COL9A2: variants seen among roughly 807,000 people sequenced by gnomAD.
COL9A2 encodes collagen type IX alpha 2 chain.
In COL9A2, 66 loss-of-function variants were observed where a neutral mutation model predicts 111.6. That is an observed-to-expected ratio of 0.59 (90% confidence interval 0.48 to 0.73). The LOEUF (loss-of-function observed/expected upper bound fraction) is 0.73. Among genes scored for constraint, COL9A2 ranks in the 30% least tolerant of loss-of-function variants. The pLI is 0.00. For synonymous variants in COL9A2, 353 were observed against 364.1 expected (o/e 0.97, Z 0.35); for missense variants, 881 against 954.1 (o/e 0.92, Z 1.01).
chr1:40,312,336 T>C lies in COL9A2; in HGVS notation c.363+120A>G. On this transcript the variant is annotated intron_variant, in intron 7 of 31. Transcript: ENST00000372748. This position sits in a 1 kb window ranked among gnomAD's most constrained non-coding sequence, Gnocchi z 6.0. ...CCTGGGTCTCTGGCAGGTCCACTTA[T>C]TCCTGACACTATCACAGCAAGCTGG... is the stretch of plus-strand genomic sequence containing the variant. 4 of 1,406,940 alleles carry C rather than the reference T, an allele frequency of 2.8e-6. No individual in the cohort carries two copies. The highest frequency in any genetic ancestry group is 3.9e-6 in the Non-Finnish European group (4 of 1,015,164). The allele number at this position is 1,406,940 out of a possible 1,614,324, so 87.2% of individuals were successfully genotyped here. A position where few individuals can be genotyped will look rare whatever the true frequency, so the allele number is the denominator to read the frequency against.
intron 31 of COL9A2, 61 bp downstream of exon 31, chr1:40,301,751 C>CA (rs1643917725): frequency 6.6e-7 from 1 of 1,516,264 alleles, no homozygotes; most frequent in African/African-American, 1.4e-5. Flanking sequence ...CCGCAGTGTC[C>CA]ACACGTCATT....
chr1:40,304,458 T>A lies in COL9A2; in HGVS notation c.1215+18A>T. On this transcript the variant is annotated intron_variant, in intron 23 of 31. Transcript: ENST00000372748. ...CCTGGATATGACGCCCTGCCCACCT[T>A]AGCTGGCCTGCACTCACCTGCCTTC... 1.9e-6 allele frequency: 3 copies of A among 1,614,064 alleles called. No individual in the cohort carries two copies. Among genetic ancestry groups the A allele is most frequent in the Non-Finnish European group, 2.5e-6 (3 of 1,179,964 alleles).
chr1:40,309,964 C>T lies in COL9A2; in HGVS notation c.820G>A (p.Gly274Ser), dbSNP rs1443766012. ...TCGTCACCCTTCTCCCCAGCTCGGC[C>T]TGGCGGTCCCCTAGGACCTTCCTCA... is the stretch of plus-strand genomic sequence containing the variant. The part of the protein sequence containing the change: ...PGEEGPRGPP[G>S]RAGEKGDEGS... The change falls in exon 16 of 32, where the codon GGC (glycine) becomes AGC (serine). Residue 274 changes from glycine to serine, a missense_variant. Transcript: ENST00000372748. 8 of 1,613,976 alleles carry T rather than the reference C, an allele frequency of 5.0e-6. No homozygotes were observed. The highest frequency in any genetic ancestry group is 1.3e-5 in the African/African-American group (1 of 74,910).
Position 40,307,382 on chromosome 1 carries a change from G to A in COL9A2, c.1008+64C>T. 1 of 1,497,114 alleles carries A rather than the reference G, an allele frequency of 6.7e-7. No individual in the cohort carries two copies. Among genetic ancestry groups the A allele is most frequent in the Non-Finnish European group, 9.2e-7 (1 of 1,082,822 alleles). 92.7% of individuals were successfully genotyped at this position (1,497,114 alleles called of 1,614,324 possible). A position where few individuals can be genotyped will look rare whatever the true frequency, so the allele number is the denominator to read the frequency against. ...GATTGAGCAAGAGCCCCGGGTGTGT[G>A]TGGATTCTAACCTCATCAGCCACTA... On this transcript the variant is annotated intron_variant, in intron 19 of 31. Transcript: ENST00000372748. The surrounding 1 kb of genome is among the most constrained non-coding windows in gnomAD (Gnocchi z 4.8).
Position 40,312,953 on chromosome 1 carries a change from G to A in COL9A2, c.250-169C>T, listed in dbSNP as rs1213087376. On this transcript the variant is annotated intron_variant, in intron 4 of 31. Transcript: ENST00000372748. The surrounding 1 kb of genome is among the most constrained non-coding windows in gnomAD (Gnocchi z 6.0). ...TCTTTCCTTTTCCCCAGTTCCCATA[G>A]TAACCCTAGGAGGCAGGCAGAACAA... is the stretch of plus-strand genomic sequence containing the variant. Among the ~76,000 whole-genome samples the A allele has an allele frequency of 6.6e-6, 1 of 152,026 alleles. No individual in the cohort carries two copies. The highest frequency in any genetic ancestry group is 6.6e-5 in the Admixed American group (1 of 15,258).
At chr1:40,304,981 A>G in intron 21 of COL9A2, 134 bp from the exon 22 acceptor site, 2 of 665,302 alleles carry the variant, frequency 3.0e-6, no homozygotes, top group Admixed American at 2.7e-5. Context: ...CACCTGTTCC[A>G]TGGTTTTGGG....
rs1569704882 is a variant in COL9A2, at chr1:40,303,438, G to A, written c.1548+92C>T. 4 of 1,544,768 alleles carry A rather than the reference G, an allele frequency of 2.6e-6. No homozygotes were observed. The highest frequency in any genetic ancestry group is 3.5e-6 in the Non-Finnish European group (4 of 1,133,566). On this transcript the variant is annotated intron_variant, in intron 28 of 31. Coordinates refer to ENST00000372748, the MANE Select transcript of COL9A2 (RefSeq NM_001852.4). This position sits in a 1 kb window ranked among gnomAD's most constrained non-coding sequence, Gnocchi z 4.6. The stretch of plus-strand genomic sequence containing the variant: ...GAACCAGTCTCGGGGAAGTCGGTGA[G>A]TCTCTGGGAATCCCTAGCCTTTGGC...
At position 40,303,273 on chromosome 1, in the gene COL9A2, G is replaced by C. The variant is rs1643944900; in HGVS notation, c.1549-88C>G. On this transcript the variant is annotated intron_variant, in intron 28 of 31. Transcript: ENST00000372748. The surrounding 1 kb of genome is among the most constrained non-coding windows in gnomAD (Gnocchi z 4.6). ...CCTGGCTGAGCGTGAGGCCGCCATG[G>C]AGGAGACTCTGGTGTTGAGTCATTA... 7.4e-7 allele frequency: 1 copy of C among 1,352,178 alleles called. No individual in the cohort carries two copies. The highest frequency in any genetic ancestry group is 1.0e-6 in the Non-Finnish European group (1 of 963,946). 83.8% of individuals were successfully genotyped at this position (1,352,178 alleles called of 1,614,324 possible). A position where few individuals can be genotyped will look rare whatever the true frequency, so the allele number is the denominator to read the frequency against.
Position 40,310,765 on chromosome 1 carries a change from A to G in COL9A2, c.633T>C (p.Gly211=). The G allele has an allele frequency of 6.4e-7, 1 of 1,561,482 alleles. No individual in the cohort carries two copies. Among genetic ancestry groups the G allele is most frequent in the Non-Finnish European group, 8.7e-7 (1 of 1,152,200 alleles). Reference sequence around the variant, plus strand: ...CAGAGGCACCCACATCTCCCTTGGGACCCTAAAGGGCAGGGATGAGCTGTC... The same window carrying G: ...CAGAGGCACCCACATCTCCCTTGGGGCCCTAAAGGGCAGGGATGAGCTGTC... ...LGDPGHQGKP[G]PKGDVGASGE... The change falls in exon 13 of 32, where the codon GGT becomes GGC. Residue 211 remains glycine (G), a splice_region_variant and synonymous_variant. Transcript: ENST00000372748. The surrounding 1 kb of genome is among the most constrained non-coding windows in gnomAD (Gnocchi z 4.9).
At position 40,303,121 on chromosome 1, in the gene COL9A2, T is replaced by A; in HGVS notation, c.1603+10A>T. 6.2e-7 allele frequency: 1 copy of A among 1,611,804 alleles called. No individual in the cohort carries two copies. The highest frequency in any genetic ancestry group is 8.5e-7 in the Non-Finnish European group (1 of 1,179,106). On this transcript the variant is annotated intron_variant, in intron 29 of 31. Transcript: ENST00000372748. This position sits in a 1 kb window ranked among gnomAD's most constrained non-coding sequence, Gnocchi z 4.6. The stretch of plus-strand genomic sequence containing the variant: ...CGAACTGACTGTGAGGAGGGGTTGC[T>A]GCCCCTCACCTTGCAGCATCTTCAG...
At chr1:40,315,089 C>A (rs1644194884) in intron 2 of COL9A2, 1 of 400,618 alleles carries the variant, frequency 2.5e-6, no homozygotes. Flanking sequence ...AAGCGGCCCT[C>A]CTGCGGGAGC....
chr1:40,314,520 G>T lies in COL9A2; in HGVS notation c.151-133C>A. ...CTTCTGTCCAGGTCCCCTAAGCCTTGCAATCTTTGGGAAAAGAGCCCCCTT... is the reference window on the plus strand; with the variant it reads ...CTTCTGTCCAGGTCCCCTAAGCCTTTCAATCTTTGGGAAAAGAGCCCCCTT... On this transcript the variant is annotated intron_variant, in intron 2 of 31. Transcript: ENST00000372748. The surrounding 1 kb of genome is among the most constrained non-coding windows in gnomAD (Gnocchi z 4.1). 2 of 1,090,614 alleles carry T rather than the reference G, an allele frequency of 1.8e-6. No homozygotes were observed. Among genetic ancestry groups the T allele is most frequent in the African/African-American group, 1.6e-5 (1 of 63,842 alleles). 67.6% of individuals were successfully genotyped at this position (1,090,614 alleles called of 1,614,324 possible).
intron 20 of COL9A2, 110 bp from the exon 21 acceptor site, chr1:40,305,878 G>C: frequency 1.0e-6 from 1 of 981,524 alleles, no homozygotes; most frequent in Non-Finnish European, 1.6e-6. Flanking sequence ...GCTGGGACGG[G>C]GGAGAGGGTA....
Position 40,304,498 on chromosome 1 carries a change from T to C in COL9A2, c.1193A>G (p.Gln398Arg). ...CACCTGCCTTCCCTGAGGGCCTGGT[T>C]GCCCCACTGGACCCCTCTCGCCTTG... ...GDQGERGPVG[Q>R]PGPQGRQGPK... Residue 398 changes from glutamine (Q) to arginine (R), a missense_variant, in exon 23 of 32, where the codon CAA (glutamine) becomes CGA (arginine). Coordinates refer to ENST00000372748, the MANE Select transcript of COL9A2 (RefSeq NM_001852.4). 1.2e-6 allele frequency: 2 copies of C among 1,614,182 alleles called. No homozygotes were observed. The highest frequency in any genetic ancestry group is 3.3e-4 in the Middle Eastern group (2 of 6,062).
intron 22 of COL9A2, 75 bp downstream of exon 22, chr1:40,304,719 G>A (rs1643996209): frequency 1.5e-5 from 22 of 1,454,230 alleles, no homozygotes; most frequent in East Asian, 2.5e-5. Context: ...CGGGCTGCAC[G>A]GAGCAGATGC....
At position 40,310,087 on chromosome 1, in the gene COL9A2, G is replaced by A. The variant is rs209916; in HGVS notation, c.792+24C>T. 14,407 of 1,613,922 alleles carry A rather than the reference G, an allele frequency of 8.9e-3. 231 individuals are homozygous for A. The highest frequency in any genetic ancestry group is 0.066 in the African/African-American group (4,934 of 75,018). ...AGCTGTAGGAGCTCCAGCCTCAGGG[G>A]TAGGGGAGCAAAAAGAGGCTTACCG... On this transcript the variant is annotated intron_variant, in intron 15 of 31. Transcript: ENST00000372748. The surrounding 1 kb of genome is among the most constrained non-coding windows in gnomAD (Gnocchi z 4.9).
Position 40,303,008 on chromosome 1 carries a change from G to T in COL9A2, c.1603+123C>A. ...AAGGTCCCAAAACCCTTCAGAGACT[G>T]GACTGGAAGGAGCCCCCAGGACTCC... On this transcript the variant is annotated intron_variant, in intron 29 of 31. Coordinates refer to ENST00000372748, the MANE Select transcript of COL9A2 (RefSeq NM_001852.4). This position sits in a 1 kb window ranked among gnomAD's most constrained non-coding sequence, Gnocchi z 4.6. The T allele has an allele frequency of 8.6e-7, 1 of 1,156,256 alleles. No homozygotes were observed. The highest frequency in any genetic ancestry group is 1.3e-6 in the Non-Finnish European group (1 of 792,994). The allele number at this position is 1,156,256 out of a possible 1,614,324, so 71.6% of individuals were successfully genotyped here. A position where few individuals can be genotyped will look rare whatever the true frequency, so the allele number is the denominator to read the frequency against.
Position 40,312,709 on chromosome 1 carries a change from G to A in COL9A2, c.303+22C>T. 2 of 1,564,404 alleles carry A rather than the reference G, an allele frequency of 1.3e-6. No individual in the cohort carries two copies. Among genetic ancestry groups the A allele is most frequent in the Non-Finnish European group, 1.7e-6 (2 of 1,153,454 alleles). On this transcript the variant is annotated intron_variant, in intron 5 of 31. Coordinates refer to ENST00000372748, the MANE Select transcript of COL9A2 (RefSeq NM_001852.4). The surrounding 1 kb of genome is among the most constrained non-coding windows in gnomAD (Gnocchi z 6.0). Reference sequence around the variant, plus strand: ...ACGCTGGCCCTAGATTGCCCACGCTGAGGCCCCAGCAGGCCCCTTACCTTG... The same window carrying A: ...ACGCTGGCCCTAGATTGCCCACGCTAAGGCCCCAGCAGGCCCCTTACCTTG...
In COL9A2 at chr1:40,302,175, A is replaced by G. The variant is rs910996841; in HGVS notation, c.1793-286T>C. On this transcript the variant is annotated intron_variant, in intron 30 of 31. Transcript: ENST00000372748. This position sits in a 1 kb window ranked among gnomAD's most constrained non-coding sequence, Gnocchi z 4.5. ...ACTCTATGTAAACTACTCTAAGGAT[A>G]GTCCTCACTGCCACATGATGAGGTT... 3.9e-5 allele frequency among the ~76,000 whole-genome samples: 6 copies of G among 152,186 alleles called. No homozygotes were observed. In the East Asian group the frequency reaches 9.6e-4, roughly 24 times the overall value.
Sources: gnomAD v4.1 joint callset for allele counts (sites outside exome capture counted in the v4.1 genomes callset) on GRCh38, gnomAD v4.1.1 for gene constraint, Gnocchi (gnomAD v3.1) non-coding constraint, MANE v1.5 for transcripts, NCBI Gene and HGNC (gene_info 2026-07-23, HGNC 2026-07-21) for gene names.